SLC20A2: variants seen among roughly 807,000 people sequenced by gnomAD.
SLC20A2 encodes sodium-dependent phosphate transporter 2.
SLC20A2 carries 30 observed loss-of-function variants against 61.0 expected under a neutral mutation model. The observed-to-expected ratio is 0.49, with a 90% CI of 0.37 to 0.67. The LOEUF is 0.67. Among genes scored for constraint, SLC20A2 ranks in the 30% least tolerant of loss-of-function variants. The pLI is 0.00. For synonymous variants in SLC20A2, 351 were observed against 353.3 expected, an observed-to-expected ratio of 0.99 and a Z score of 0.07; for missense variants, 626 against 866.4, an observed-to-expected ratio of 0.72 and a Z score of 3.48.
intron 2 of SLC20A2, among the ~76,000 whole-genome samples, chr8:42,468,214 AT>A (rs1471529990): frequency 6.6e-6 from 1 of 152,266 alleles, no homozygotes; most frequent in East Asian, 1.9e-4. Flanking sequence ...TATTCTTACA[AT>A]TAAAATAATC....
At chr8:42,501,868 C>A (rs1810340408), upstream of SLC20A2, among the ~76,000 whole-genome samples, 1 of 152,168 alleles carries the variant, frequency 6.6e-6, no homozygotes, top group Non-Finnish European at 1.5e-5. Flanking sequence ...AGGTGACTGA[C>A]CATCTACAAA....
At chr8:42,477,849 C>A (rs1173626852) in intron 1 of SLC20A2, among the ~76,000 whole-genome samples, 2 of 152,104 alleles carry the variant, frequency 1.3e-5, no homozygotes, top group African/African-American at 2.4e-5. Context: ...AAGAAAAAAA[C>A]CACTCAACGT....
chr8:42,457,831 C>T (rs943056032), intron 5 of SLC20A2, among the ~76,000 whole-genome samples: 2 of 152,020 alleles, frequency 1.3e-5, no homozygotes, highest in South Asian at 4.2e-4. Flanking sequence ...TACACAGATA[C>T]CACAGTAAAA....
At chr8:42,459,654 G>A (rs1056630684) in intron 5 of SLC20A2, among the ~76,000 whole-genome samples, 1 of 152,118 alleles carries the variant, frequency 6.6e-6, no homozygotes, top group Admixed American at 6.5e-5. Flanking sequence ...TGTTGCCTTT[G>A]TACTCTACAT....
intron 1 of SLC20A2, among the ~76,000 whole-genome samples, chr8:42,483,170 ACT>A (rs1762727537): frequency 6.6e-6 from 1 of 152,084 alleles, no homozygotes; most frequent in African/African-American, 2.4e-5. Flanking sequence ...ACATGGTGAG[ACT>A]CTGTTGTTTC....
intron 9 of SLC20A2, among the ~76,000 whole-genome samples, 182 bp from the exon 10 acceptor site, chr8:42,429,024 A>G (rs1052744223): frequency 4.6e-5 from 7 of 152,106 alleles, no homozygotes; most frequent in African/African-American, 9.7e-5. Flanking sequence ...CCAAGGCTGC[A>G]TTTTCCTGTG....
intron 1 of SLC20A2, among the ~76,000 whole-genome samples, chr8:42,540,300 AAAC>A (rs1563561656): frequency 6.6e-6 from 1 of 152,318 alleles, no homozygotes; most frequent in South Asian, 2.1e-4. Flanking sequence ...AAAAAAAACA[AAAC>A]AATAACAATA....
At chr8:42,438,054 AAAAAAAACC>A (rs1318527850) in intron 7 of SLC20A2, among the ~76,000 whole-genome samples, 9 of 129,420 alleles carry the variant, frequency 7.0e-5, no homozygotes, top group African/African-American at 1.3e-4. Context: ...TACCACTAAA[AAAAAAAACC>A]AAAAAAAAAA....
intron 1 of SLC20A2, among the ~76,000 whole-genome samples, chr8:42,488,382 G>A (rs1809217470): frequency 6.6e-6 from 1 of 151,746 alleles, no homozygotes; most frequent in South Asian, 2.1e-4. Context: ...TAGAGACGGG[G>A]TTTCAGCATG....
At chr8:42,455,257 T>TAGAGAGAGAGAGAG (rs71548583) in intron 5 of SLC20A2, among the ~76,000 whole-genome samples, 11 of 81,620 alleles carry the variant, frequency 1.3e-4, no homozygotes, top group African/African-American at 3.5e-4. Flanking sequence ...TATATATATA[T>TAGAGAGAGAGAGAG]AGAGAGAGAG....
intron 1 of SLC20A2, chr8:42,540,961 T>G (rs1426814558): frequency 6.6e-6 from 1 of 152,250 alleles, no homozygotes; most frequent in Non-Finnish European, 1.5e-5. Context: ...TTGAAAACAC[T>G]ACGGTGTCAG....
intron 5 of SLC20A2, among the ~76,000 whole-genome samples, chr8:42,449,284 C>G (rs1212017663): frequency 1.3e-5 from 2 of 152,076 alleles, no homozygotes; most frequent in African/African-American, 4.8e-5. Flanking sequence ...TCTGGGTCTC[C>G]GTTCTCGGTT....
rs1812725230 is a variant in SLC20A2, at chr8:42,536,765, A to T, written c.-265+5056T>A. Among the ~76,000 whole-genome samples the T allele has an allele frequency of 2.0e-5, 3 of 152,262 alleles. No homozygotes were observed. The South Asian group carries it at 6.2e-4, about 32-fold the overall frequency. On this transcript the variant is annotated intron_variant, in intron 1 of 10. Coordinates refer to the SLC20A2 transcript ENST00000342228. ...ATTCTCTATTGCTCAATACAACCTGAAAAAGTGAATCAAGATTCTACAAAA... is the reference window on the plus strand; with the variant it reads ...ATTCTCTATTGCTCAATACAACCTGTAAAAGTGAATCAAGATTCTACAAAA...
intron 2 of SLC20A2, among the ~76,000 whole-genome samples, chr8:42,469,871 T>C (rs1482283280): frequency 6.8e-6 from 1 of 148,084 alleles, no homozygotes; most frequent in Non-Finnish European, 1.5e-5. Flanking sequence ...GAGGTTGCAG[T>C]GAGCCGAGAT....
At chr8:42,486,363 T>TG (rs977715051) in intron 1 of SLC20A2, among the ~76,000 whole-genome samples, 1 of 152,102 alleles carries the variant, frequency 6.6e-6, no homozygotes, top group African/African-American at 2.4e-5. Context: ...ACACTGTGCC[T>TG]GGCAAGTTTT....
chr8:42,463,250 G>A, intron 3 of SLC20A2, 160 bp from the exon 4 acceptor site: 2 of 516,812 alleles, frequency 3.9e-6, no homozygotes, highest in Admixed American at 3.7e-5. Flanking sequence ...CTGTGACTTG[G>A]CAGAGCTGAC....
At chr8:42,533,711 G>A (rs889534983) in intron 1 of SLC20A2, among the ~76,000 whole-genome samples, 2 of 126,940 alleles carry the variant, frequency 1.6e-5, no homozygotes, top group African/African-American at 6.3e-5. Flanking sequence ...CCAGGCTGGA[G>A]TGCAGTGGCG....
chr8:42,432,676 C>T (rs1024394890), intron 8 of SLC20A2, among the ~76,000 whole-genome samples: 9 of 152,318 alleles, frequency 5.9e-5, no homozygotes, highest in African/African-American at 2.2e-4. Flanking sequence ...GCCACAGCCA[C>T]CCCAACCTTT....
intron 5 of SLC20A2, among the ~76,000 whole-genome samples, chr8:42,459,579 T>C (rs34749433): frequency 0.052 from 7,856 of 152,278 alleles, 294 homozygotes; most frequent in Non-Finnish European, 0.079. Flanking sequence ...GGCTAAGCTA[T>C]AGTGGCAACA....
Sources: allele counts gnomAD v4.1 joint callset (sites outside exome capture counted in the v4.1 genomes callset), GRCh38; gene constraint gnomAD v4.1.1; transcripts MANE v1.5; gene names NCBI Gene and HGNC (gene_info 2026-07-23, HGNC 2026-07-21).